Variants in NALCN observed in about 807,000 individuals in gnomAD.
The protein encoded by NALCN is sodium leak channel, non-selective.
A neutral mutation model predicts 225.3 loss-of-function variants in NALCN; 111 were observed. The ratio of observed to expected loss-of-function variants is 0.49; its 90% CI spans 0.42 to 0.58. NALCN has a LOEUF of 0.58. NALCN is among the 20% of genes least tolerant of loss of function. The pLI is 0.00. For synonymous variants in NALCN, 764 were observed against 769.0 expected (o/e 0.99, Z 0.11); for missense variants, 1,378 against 2,202.4 (o/e 0.63, Z 7.49).
At chr13:101,358,601 T>A (rs151136002) in intron 6 of NALCN, among the ~76,000 whole-genome samples, 1 of 152,162 alleles carries the variant, frequency 6.6e-6, no homozygotes, top group Non-Finnish European at 1.5e-5. Flanking sequence ...TTGGTAGGAA[T>A]GTAAATTAGT....
chr13:101,312,818 C>T (rs548075440), intron 7 of NALCN, among the ~76,000 whole-genome samples: 19 of 152,158 alleles, frequency 1.2e-4, no homozygotes, highest in South Asian at 4.1e-4. Flanking sequence ...CTTCACAGAA[C>T]TGGAAAAAAC....
At chr13:101,166,715 C>T (rs9585640) in intron 15 of NALCN, among the ~76,000 whole-genome samples, 36,802 of 152,034 alleles carry the variant, frequency 0.24, 5,238 homozygotes, top group Non-Finnish European at 0.32. Context: ...TTTCCTTTGA[C>T]GTGCAAGTGT....
At chr13:101,291,719 T>A (rs555439941) in intron 9 of NALCN, among the ~76,000 whole-genome samples, 1 of 152,208 alleles carries the variant, frequency 6.6e-6, no homozygotes, top group African/African-American at 2.4e-5. Flanking sequence ...GGCTAATTTT[T>A]AAAATTTTTT....
intron 6 of NALCN, among the ~76,000 whole-genome samples, chr13:101,371,800 C>T (rs917215699): frequency 6.6e-6 from 1 of 152,174 alleles, no homozygotes; most frequent in Non-Finnish European, 1.5e-5. Flanking sequence ...TACTGAGTTT[C>T]TTCTTCATTT....
At chr13:101,406,141 C>A (rs1467680734) in intron 1 of NALCN, among the ~76,000 whole-genome samples, 1 of 138,736 alleles carries the variant, frequency 7.2e-6, no homozygotes, top group Non-Finnish European at 1.5e-5. Context: ...ATGGAGAAAA[C>A]CCATCTCTAC....
intron 3 of NALCN, among the ~76,000 whole-genome samples, chr13:101,381,476 ATAATC>A (rs1217973763): frequency 6.6e-6 from 1 of 152,192 alleles, no homozygotes; most frequent in East Asian, 1.9e-4. Context: ...TAAATTAATT[ATAATC>A]TAAATACAGA....
At chr13:101,123,310 A>T (rs2036070501) in intron 18 of NALCN, among the ~76,000 whole-genome samples, 1 of 152,190 alleles carries the variant, frequency 6.6e-6, no homozygotes, top group South Asian at 2.1e-4. Flanking sequence ...ATGTCCTTGT[A>T]GGTAGTTTCT....
chr13:101,236,059 A>G (rs1313480887), intron 12 of NALCN, among the ~76,000 whole-genome samples: 1 of 152,196 alleles, frequency 6.6e-6, no homozygotes, highest in Non-Finnish European at 1.5e-5. Context: ...AAAACAATCA[A>G]TGCACATTCT....
chr13:101,135,764 A>T (rs978996944), intron 17 of NALCN, among the ~76,000 whole-genome samples: 5 of 152,240 alleles, frequency 3.3e-5, no homozygotes, highest in African/African-American at 1.2e-4. Flanking sequence ...ACACACTGAG[A>T]CTAGCATGAC....
chr13:101,211,977 C>T (rs2040541572), intron 13 of NALCN, among the ~76,000 whole-genome samples: 1 of 151,768 alleles, frequency 6.6e-6, no homozygotes, highest in Admixed American at 6.6e-5. Context: ...TTCTGCTATT[C>T]TCCAAGAAAA....
chr13:101,182,168 G>A (rs891451806), intron 14 of NALCN, among the ~76,000 whole-genome samples: 2 of 139,456 alleles, frequency 1.4e-5, no homozygotes, highest in African/African-American at 5.2e-5. Context: ...GATATGTAAT[G>A]TTTTCTTACA....
intron 13 of NALCN, among the ~76,000 whole-genome samples, chr13:101,221,493 AGG>A (rs1466890116): frequency 6.6e-6 from 1 of 152,152 alleles, no homozygotes; most frequent in Admixed American, 6.5e-5. Flanking sequence ...ACCCTGACAC[AGG>A]CTACTCCCAA....
chr13:101,157,495 T>C (rs1024121310), intron 15 of NALCN, among the ~76,000 whole-genome samples: 2 of 152,144 alleles, frequency 1.3e-5, no homozygotes, highest in African/African-American at 4.8e-5. Context: ...TCTCACTGAG[T>C]AATGCTCCAA....
chr13:101,110,054 T>G (rs1368774798), intron 20 of NALCN, among the ~76,000 whole-genome samples: 1 of 152,198 alleles, frequency 6.6e-6, no homozygotes, highest in Non-Finnish European at 1.5e-5. Context: ...ATTACCCCAC[T>G]GCTCCTCGTT....
At chr13:101,290,591 A>C (rs2043516670) in intron 9 of NALCN, among the ~76,000 whole-genome samples, 1 of 152,198 alleles carries the variant, frequency 6.6e-6, no homozygotes, top group South Asian at 2.1e-4. Flanking sequence ...GTTTGTAAAA[A>C]CTGAATAAGA....
At chr13:101,101,264 T>G (rs60053591) in intron 26 of NALCN, among the ~76,000 whole-genome samples, 2 of 147,352 alleles carry the variant, frequency 1.4e-5, no homozygotes, top group Non-Finnish European at 3.0e-5. Flanking sequence ...TGGACATATA[T>G]ATATTTATTT....
chr13:101,339,704 A>G (rs2045494829), intron 7 of NALCN, among the ~76,000 whole-genome samples: 2 of 152,160 alleles, frequency 1.3e-5, no homozygotes, highest in Non-Finnish European at 2.9e-5. Context: ...GGGGTCACAG[A>G]TTCGAATGTA....
chr13:101,120,090 C>A (rs1244580913), intron 18 of NALCN, among the ~76,000 whole-genome samples: 1 of 152,188 alleles, frequency 6.6e-6, no homozygotes, highest in African/African-American at 2.4e-5. Flanking sequence ...CTCTAGGGCC[C>A]TTCCTCTCTG....
intron 34 of NALCN, among the ~76,000 whole-genome samples, chr13:101,080,617 TTAAA>T (rs1461293590): frequency 6.9e-6 from 1 of 144,812 alleles, no homozygotes; most frequent in Non-Finnish European, 1.5e-5. Context: ...ATATAATCAA[TTAAA>T]TTAATTATTT....
Sources: gnomAD v4.1 joint callset for allele counts (sites outside exome capture counted in the v4.1 genomes callset) on GRCh38, gnomAD v4.1.1 for gene constraint, MANE v1.5 for transcripts, NCBI Gene and HGNC (gene_info 2026-07-23, HGNC 2026-07-21) for gene names.